The following CSNK1G2 variants were observed in gnomAD, a reference collection of about 807,000 sequenced individuals.
The protein encoded by CSNK1G2 is casein kinase 1 gamma 2.
In CSNK1G2, 11 loss-of-function variants were observed where a neutral mutation model predicts 48.0. The ratio of observed to expected loss-of-function variants is 0.23; its 90% CI spans 0.14 to 0.38. The LOEUF (loss-of-function observed/expected upper bound fraction) is 0.38. Among genes scored for constraint, CSNK1G2 ranks in the 10% least tolerant of loss-of-function variants. CSNK1G2 has a pLI of 1.00. For missense variants in CSNK1G2, 446 were observed against 595.5 expected, an observed-to-expected ratio of 0.75 and a Z score of 2.61; for synonymous variants, 337 against 254.1, an observed-to-expected ratio of 1.33 and a Z score of -3.10.
intron 1 of CSNK1G2, chr19:1,942,657 A>G (rs922295874): frequency 2.7e-5 from 4 of 149,644 alleles, no homozygotes; most frequent in Non-Finnish European, 5.9e-5. Flanking sequence ...CCGTCCCGCC[A>G]CGGGAAGGCG....
chr19:1,970,568 T>A (rs2015533344), intron 2 of CSNK1G2, among the ~76,000 whole-genome samples: 1 of 152,088 alleles, frequency 6.6e-6, no homozygotes, highest in South Asian at 2.1e-4. Flanking sequence ...AGGGGTGCCT[T>A]CCCTGGGGTG....
chr19:1,958,996 C>T (rs986304133), intron 1 of CSNK1G2, among the ~76,000 whole-genome samples: 1 of 144,340 alleles, frequency 6.9e-6, no homozygotes, highest in Admixed American at 7.0e-5. Context: ...CCAAATTCCC[C>T]ATGTGGCTTC....
At chr19:1,950,425 C>G (rs761547849) in intron 1 of CSNK1G2, among the ~76,000 whole-genome samples, 4 of 147,194 alleles carry the variant, frequency 2.7e-5, no homozygotes, top group Non-Finnish European at 5.9e-5. Flanking sequence ...AGGCGTGAGC[C>G]ACCGCGCCTG....
At chr19:1,949,755 G>T (rs1427687161) in intron 1 of CSNK1G2, among the ~76,000 whole-genome samples, 3 of 152,206 alleles carry the variant, frequency 2.0e-5, no homozygotes, top group Non-Finnish European at 4.4e-5. Context: ...TCTCTGCACA[G>T]CGACGACCAC....
chr19:1,950,211 C>T (rs1317157940), intron 1 of CSNK1G2, among the ~76,000 whole-genome samples: 2 of 152,142 alleles, frequency 1.3e-5, no homozygotes, highest in Non-Finnish European at 2.9e-5. Context: ...GTGAGCTCTG[C>T]TCACTGCAAG....
chr19:1,972,926 CT>C (rs1251312968), intron 2 of CSNK1G2, among the ~76,000 whole-genome samples: 1 of 136,016 alleles, frequency 7.4e-6, no homozygotes, highest in African/African-American at 3.1e-5. Context: ...GCCTCGCCTG[CT>C]TTGTTTTTTT....
intron 2 of CSNK1G2, among the ~76,000 whole-genome samples, chr19:1,976,268 C>T (rs1366749357): frequency 6.6e-6 from 1 of 151,968 alleles, no homozygotes; most frequent in Non-Finnish European, 1.5e-5. Flanking sequence ...CCCTGGTCCC[C>T]GGCTCAGGAC....
intron 2 of CSNK1G2, among the ~76,000 whole-genome samples, chr19:1,970,959 G>A (rs1407952462): frequency 6.6e-6 from 1 of 152,234 alleles, no homozygotes; most frequent in Non-Finnish European, 1.5e-5. Flanking sequence ...GGCCCACGCA[G>A]TGGTCATGAT....
chr19:1,948,480 G>A (rs1200413440), intron 1 of CSNK1G2, among the ~76,000 whole-genome samples: 5 of 141,186 alleles, frequency 3.5e-5, no homozygotes, highest in East Asian at 2.1e-4. Flanking sequence ...CTGAGACCGC[G>A]CCATTGCACT....
intron 1 of CSNK1G2, among the ~76,000 whole-genome samples, chr19:1,947,371 C>T (rs1171757261): frequency 6.6e-6 from 1 of 152,194 alleles, no homozygotes; most frequent in Non-Finnish European, 1.5e-5. Context: ...TCTGCGGTGA[C>T]CTCTGCCCCT....
At chr19:1,967,237 G>A (rs2015392150) in intron 1 of CSNK1G2, among the ~76,000 whole-genome samples, 1 of 152,204 alleles carries the variant, frequency 6.6e-6, no homozygotes, top group African/African-American at 2.4e-5. Context: ...CAGTGCTTGT[G>A]ACGCCGGTGC....
At chr19:1,962,515 A>T (rs1229739490) in intron 1 of CSNK1G2, among the ~76,000 whole-genome samples, 3 of 149,012 alleles carry the variant, frequency 2.0e-5, no homozygotes, top group African/African-American at 7.5e-5. Flanking sequence ...AAAAAAAAAA[A>T]TTAGCCAGAC....
chr19:1,972,006 T>C (rs1461464625), intron 2 of CSNK1G2, among the ~76,000 whole-genome samples: 9 of 152,320 alleles, frequency 5.9e-5, no homozygotes, highest in African/African-American at 2.2e-4. Flanking sequence ...CCTGACCTTG[T>C]GATCCACCCA....
At chr19:1,952,324 C>CT (rs1043611284) in intron 1 of CSNK1G2, among the ~76,000 whole-genome samples, 329 of 146,274 alleles carry the variant, frequency 2.2e-3, no homozygotes, top group Middle Eastern at 0.011. Context: ...ACGTGCTCAA[C>CT]TTTTTTTTTT....
rs1394691410 is a variant in CSNK1G2, at chr19:1,978,936, C to A, written c.525C>A (p.Arg175=). The change falls in exon 6 of 12, where the codon CGC becomes CGA. Residue 175 remains arginine (R), a synonymous_variant. Coordinates refer to ENST00000255641, the MANE Select transcript of CSNK1G2 (RefSeq NM_001319.7). The surrounding 1 kb of genome is among the most constrained non-coding windows in gnomAD (Gnocchi z 7.3). ...DVKPENFLVG[R]PGTKRQHAIH... is the part of the protein sequence containing the mutation. ...AGCCCGAGAACTTCCTGGTGGGCCGCCCGGGGACCAAGCGGCAGCATGCCA... is the reference window on the plus strand; with the variant it reads ...AGCCCGAGAACTTCCTGGTGGGCCGACCGGGGACCAAGCGGCAGCATGCCA... The A allele has an allele frequency of 6.2e-7, 1 of 1,602,070 alleles. No individual in the cohort carries two copies. The highest frequency in any genetic ancestry group is 2.2e-5 in the East Asian group (1 of 44,844).
intron 1 of CSNK1G2, among the ~76,000 whole-genome samples, chr19:1,949,885 A>G (rs2014701002): frequency 6.6e-6 from 1 of 152,224 alleles, no homozygotes; most frequent in Non-Finnish European, 1.5e-5. Flanking sequence ...GGGGTCCTGC[A>G]TGTGCCCGGT....
chr19:1,971,988 C>G (rs988051690), intron 2 of CSNK1G2, among the ~76,000 whole-genome samples: 8 of 152,178 alleles, frequency 5.3e-5, no homozygotes, highest in Non-Finnish European at 8.8e-5. Context: ...CCAGGATGGT[C>G]TTGATCTCCT....
At chr19:1,961,102 CCT>C (rs1322246430) in intron 1 of CSNK1G2, among the ~76,000 whole-genome samples, 1 of 152,244 alleles carries the variant, frequency 6.6e-6, no homozygotes, top group Admixed American at 6.5e-5. Flanking sequence ...CGGAAGTCCC[CCT>C]GTCCGTCCCG....
chr19:1,953,025 C>A (rs1013709031), intron 1 of CSNK1G2: 11 of 404,908 alleles, frequency 2.7e-5, no homozygotes, highest in African/African-American at 8.9e-5. Flanking sequence ...AAAAAAAAAA[C>A]AAAGGAAATG....
Sources: gnomAD v4.1 joint callset for allele counts (sites outside exome capture counted in the v4.1 genomes callset) on GRCh38, gnomAD v4.1.1 for gene constraint, Gnocchi (gnomAD v3.1) non-coding constraint, MANE v1.5 for transcripts, NCBI Gene and HGNC (gene_info 2026-07-23, HGNC 2026-07-21) for gene names.